Variants in ATRNL1 observed in about 807,000 individuals in gnomAD.
ATRNL1 encodes the protein attractin like 1.
ATRNL1 carries 95 observed loss-of-function variants against 182.7 expected under a neutral mutation model. That is an observed-to-expected ratio of 0.52 (90% CI 0.44 to 0.62). ATRNL1 has a LOEUF of 0.62. ATRNL1 is among the 20% of genes least tolerant of loss of function. The pLI is 0.00. For synonymous variants in ATRNL1, 576 were observed against 568.3 expected, an observed-to-expected ratio of 1.01 and a Z score of -0.19; for missense variants, 1,471 against 1,679.5, an observed-to-expected ratio of 0.88 and a Z score of 2.17.
intron 25 of ATRNL1, among the ~76,000 whole-genome samples, chr10:115,530,421 A>C (rs1851498631): frequency 2.6e-5 from 4 of 152,142 alleles, no homozygotes; most frequent in Admixed American, 2.6e-4. Flanking sequence ...CTTAGTGGGC[A>C]TAAAGTGGTA....
At chr10:115,349,178 T>C (rs567459481) in intron 19 of ATRNL1, among the ~76,000 whole-genome samples, 56 of 152,316 alleles carry the variant, frequency 3.7e-4, no homozygotes, top group Non-Finnish European at 6.6e-4. Context: ...GATCAATTGT[T>C]TTAGCTCCCA....
intron 26 of ATRNL1, among the ~76,000 whole-genome samples, chr10:115,569,871 A>T (rs1447874538): frequency 1.3e-5 from 2 of 152,068 alleles, no homozygotes; most frequent in Non-Finnish European, 2.9e-5. Context: ...AGTATATCTC[A>T]TACAGCTCTG....
At chr10:115,726,522 G>A (rs1947601781) in intron 26 of ATRNL1, among the ~76,000 whole-genome samples, 1 of 152,166 alleles carries the variant, frequency 6.6e-6, no homozygotes, top group Non-Finnish European at 1.5e-5. Flanking sequence ...AGATAAATTA[G>A]CTTAGTAGTT....
intron 28 of ATRNL1, among the ~76,000 whole-genome samples, chr10:115,854,992 T>C (rs1335715538): frequency 6.6e-6 from 1 of 152,186 alleles, no homozygotes; most frequent in Non-Finnish European, 1.5e-5. Flanking sequence ...AGACGTTTAC[T>C]CTGGAATGAA....
chr10:115,227,329 A>T (rs1017601517), intron 9 of ATRNL1, among the ~76,000 whole-genome samples: 1 of 152,158 alleles, frequency 6.6e-6, no homozygotes, highest in South Asian at 2.1e-4. Context: ...GGTCAACATC[A>T]CTAATCATTA....
intron 28 of ATRNL1, among the ~76,000 whole-genome samples, chr10:115,901,905 C>T (rs1275664590): frequency 1.3e-5 from 2 of 152,162 alleles, no homozygotes; most frequent in Non-Finnish European, 2.9e-5. Context: ...GTCCTGGAAA[C>T]AGCGGCTGTC....
intron 28 of ATRNL1, among the ~76,000 whole-genome samples, chr10:115,924,831 T>G (rs1305721231): frequency 6.6e-6 from 1 of 152,168 alleles, no homozygotes; most frequent in Non-Finnish European, 1.5e-5. Flanking sequence ...TATAAATTAC[T>G]TTGGGCAGTA....
At chr10:115,543,328 C>T (rs782660504) in intron 25 of ATRNL1, among the ~76,000 whole-genome samples, 1 of 151,998 alleles carries the variant, frequency 6.6e-6, no homozygotes, top group Non-Finnish European at 1.5e-5. Flanking sequence ...TTTTAATATT[C>T]ATATTTTTAT....
chr10:115,632,509 G>T (rs1462239758), intron 26 of ATRNL1, among the ~76,000 whole-genome samples: 1 of 152,078 alleles, frequency 6.6e-6, no homozygotes, highest in Non-Finnish European at 1.5e-5. Flanking sequence ...TAGTTTTAAA[G>T]AATCTATTTT....
At chr10:115,895,546 T>G (rs1952185429) in intron 28 of ATRNL1, among the ~76,000 whole-genome samples, 7 of 152,208 alleles carry the variant, frequency 4.6e-5, no homozygotes, top group Admixed American at 4.6e-4. Flanking sequence ...CTTCTGCCTG[T>G]CACTGTCCCC....
At chr10:115,815,407 GTGTGTGTA>G (rs1171803943) in intron 27 of ATRNL1, among the ~76,000 whole-genome samples, 25 of 115,776 alleles carry the variant, frequency 2.2e-4, no homozygotes, top group African/African-American at 7.2e-4. Context: ...GGTATGTGGT[GTGTGTGTA>G]TGTGTGTGTG....
intron 27 of ATRNL1, among the ~76,000 whole-genome samples, chr10:115,793,939 G>A (rs954032123): frequency 1.3e-5 from 2 of 152,054 alleles, no homozygotes; most frequent in African/African-American, 2.4e-5. Context: ...TTGATTTTAT[G>A]GTATGTGAAT....
chr10:115,505,325 T>G (rs1850056723), intron 24 of ATRNL1, among the ~76,000 whole-genome samples: 1 of 152,094 alleles, frequency 6.6e-6, no homozygotes, highest in Admixed American at 6.6e-5. Context: ...TAATTCTTTT[T>G]AAACAAAGAT....
chr10:115,695,456 A>G (rs1946528083), intron 26 of ATRNL1, among the ~76,000 whole-genome samples: 1 of 152,140 alleles, frequency 6.6e-6, no homozygotes, highest in Non-Finnish European at 1.5e-5. Flanking sequence ...GTAAGTTATT[A>G]TTTGAATCTC....
intron 25 of ATRNL1, among the ~76,000 whole-genome samples, chr10:115,534,620 T>G (rs1851841257): frequency 1.3e-5 from 2 of 152,258 alleles, no homozygotes; most frequent in Admixed American, 1.3e-4. Context: ...AAACTTAATA[T>G]TGTTATGTGT....
intron 9 of ATRNL1, among the ~76,000 whole-genome samples, chr10:115,224,122 A>T (rs1223592881): frequency 1.3e-5 from 2 of 151,012 alleles, no homozygotes; most frequent in African/African-American, 4.9e-5. Flanking sequence ...TTTTTAGTAC[A>T]GATGGGGTTT....
At chr10:115,183,955 TC>T (rs1165754621) in intron 8 of ATRNL1, among the ~76,000 whole-genome samples, 1 of 151,538 alleles carries the variant, frequency 6.6e-6, no homozygotes, top group East Asian at 1.9e-4. Context: ...CACATTCTTT[TC>T]TTAATGTGTG....
intron 21 of ATRNL1, among the ~76,000 whole-genome samples, chr10:115,445,430 C>CA (rs34068379): frequency 0.013 from 329 of 26,144 alleles, 65 homozygotes; most frequent in African/African-American, 0.04. Context: ...GATTTCGCCT[C>CA]AAAAAAAAAA....
intron 27 of ATRNL1, among the ~76,000 whole-genome samples, chr10:115,815,466 A>G (rs1555088316): frequency 8.9e-6 from 1 of 112,064 alleles, no homozygotes; most frequent in Non-Finnish European, 1.9e-5. Flanking sequence ...GTAATATAGA[A>G]TATGCTAAAT....
Sources: gnomAD v4.1 joint callset for allele counts (sites outside exome capture counted in the v4.1 genomes callset) on GRCh38, gnomAD v4.1.1 for gene constraint, MANE v1.5 for transcripts, NCBI Gene and HGNC (gene_info 2026-07-23, HGNC 2026-07-21) for gene names.